The following LONP2 variants were observed in gnomAD, a reference collection of about 807,000 sequenced individuals.
LONP2 encodes lon protease homolog 2, peroxisomal.
Under a neutral mutation model 85.6 loss-of-function variants are expected in LONP2, and 60 were observed. The observed-to-expected ratio is 0.70, with a 90% CI of 0.57 to 0.87. The LOEUF (loss-of-function observed/expected upper bound fraction) is 0.87. Ranked by LOEUF, LONP2 falls within the 40% of genes least tolerant of loss-of-function variation. The probability of loss-of-function intolerance (pLI) is 0.00; values close to 1 mark genes in which losing one functional copy is unlikely to be tolerated. For missense variants in LONP2, 860 were observed against 1,063.5 expected (o/e 0.81, Z 2.66); for synonymous variants, 395 against 389.7 (o/e 1.01, Z -0.16).
chr16:48,244,778 G>A (rs974995008), intron 1 of LONP2, among the ~76,000 whole-genome samples, 157 bp downstream of exon 1: 1 of 152,214 alleles, frequency 6.6e-6, no homozygotes, highest in African/African-American at 2.4e-5. Flanking sequence ...AAATGGGGAT[G>A]TCAGATACCT....
chr16:48,331,136 A>G (rs763084431), intron 11 of LONP2, among the ~76,000 whole-genome samples: 5 of 152,120 alleles, frequency 3.3e-5, no homozygotes, highest in Non-Finnish European at 7.3e-5. Context: ...TTTGAGTACC[A>G]CTACCTTCCA....
intron 8 of LONP2, among the ~76,000 whole-genome samples, chr16:48,284,135 T>C (rs1482386142): frequency 1.3e-5 from 2 of 152,052 alleles, no homozygotes; most frequent in Non-Finnish European, 2.9e-5. Context: ...AGATGAGGAG[T>C]TGCTTCTTAC....
intron 8 of LONP2, 135 bp from the exon 9 acceptor site, chr16:48,295,880 G>A: frequency 2.7e-6 from 2 of 745,742 alleles, no homozygotes; most frequent in Non-Finnish European, 4.5e-6. Context: ...ATGCTCAGAT[G>A]TTAGTTTTGT....
intron 3 of LONP2, among the ~76,000 whole-genome samples, chr16:48,256,989 A>G (rs1403696094): frequency 6.6e-6 from 1 of 152,218 alleles, no homozygotes; most frequent in Non-Finnish European, 1.5e-5. Context: ...ATGGTAGTCA[A>G]TTTACAGAAA....
intron 7 of LONP2, among the ~76,000 whole-genome samples, chr16:48,273,444 A>G (rs1348659883): frequency 6.6e-6 from 1 of 152,212 alleles, no homozygotes; most frequent in Non-Finnish European, 1.5e-5. Context: ...GATCTGACTA[A>G]ACATTGCCTC....
At chr16:48,297,089 C>G (rs1410971131) in intron 9 of LONP2, among the ~76,000 whole-genome samples, 1 of 152,022 alleles carries the variant, frequency 6.6e-6, no homozygotes, top group African/African-American at 2.4e-5. Flanking sequence ...CTCACTGCAG[C>G]CTCCGCCTCC....
At chr16:48,283,408 T>G (rs917530780) in intron 8 of LONP2, among the ~76,000 whole-genome samples, 1 of 152,180 alleles carries the variant, frequency 6.6e-6, no homozygotes, top group Non-Finnish European at 1.5e-5. Flanking sequence ...CTTCAAAGCT[T>G]CAAAGGGCAG....
Position 48,353,912 on chromosome 16 carries a change from CCATT to C in LONP2, c.*2111_*2114del, listed in dbSNP as rs1441519395. 1 of 152,034 alleles carries C rather than the reference CCATT, an allele frequency of 6.6e-6. No homozygotes were observed. Among genetic ancestry groups the C allele is most frequent in the African/African-American group, 2.4e-5 (1 of 41,478 alleles). The allele number at this position is 152,034 out of a possible 1,614,324, so 9.4% of individuals were successfully genotyped here. On this transcript the variant is annotated 3_prime_UTR_variant, in exon 15 of 15. Coordinates refer to ENST00000285737, the MANE Select transcript of LONP2 (RefSeq NM_031490.5). ...TTTAAGCATATCTTTCGAAAGGCAT[CCATT>C]GAGAGAATAATGCATTCTCCCCTTG...
chr16:48,244,337 C>G lies in LONP2; in HGVS notation c.-52C>G. ...TGGTGACTGCGGGGCAGGCCGGGGG[C>G]AGCTGTCTGTCTGGCTCTTTTTGAC... On this transcript the variant is annotated 5_prime_UTR_variant, in exon 1 of 15. Coordinates refer to ENST00000285737, the MANE Select transcript of LONP2 (RefSeq NM_031490.5). 2.2e-6 allele frequency: 3 copies of G among 1,338,370 alleles called. No individual in the cohort carries two copies. Among genetic ancestry groups the G allele is most frequent in the Non-Finnish European group, 3.0e-6 (3 of 1,003,608 alleles). The allele number at this position is 1,338,370 out of a possible 1,614,324, so 82.9% of individuals were successfully genotyped here.
At chr16:48,360,611 A>G (rs1960545453), downstream of LONP2, 1 of 152,650 alleles carries the variant, frequency 6.6e-6, no homozygotes, top group Non-Finnish European at 1.5e-5. Flanking sequence ...TTTTTAAACA[A>G]ATGATTTGCT....
intron 9 of LONP2, among the ~76,000 whole-genome samples, chr16:48,297,235 T>C (rs954809642): frequency 2.4e-4 from 37 of 152,308 alleles, no homozygotes; most frequent in African/African-American, 8.2e-4. Flanking sequence ...TGGCCTCAAG[T>C]GATCTGCCTG....
At chr16:48,342,343 T>C (rs1009919407) in intron 12 of LONP2, among the ~76,000 whole-genome samples, 1 of 152,220 alleles carries the variant, frequency 6.6e-6, no homozygotes, top group African/African-American at 2.4e-5. Flanking sequence ...TGCTTGCCTT[T>C]CAAGCAAACA....
chr16:48,270,011 G>A lies in LONP2; in HGVS notation c.983-5G>A. 6.2e-7 allele frequency: 1 copy of A among 1,609,392 alleles called. No individual in the cohort carries two copies. The highest frequency in any genetic ancestry group is 1.1e-5 in the South Asian group (1 of 90,416). On this transcript the variant is annotated splice_region_variant and splice_polypyrimidine_tract_variant and intron_variant, in intron 6 of 14. Transcript: ENST00000285737. Reference sequence around the variant, plus strand: ...TCTAATTATTTCTGTTGGGTTATTTGACAGACCGCCTGGACATTAGGGCAG... The same window carrying A: ...TCTAATTATTTCTGTTGGGTTATTTAACAGACCGCCTGGACATTAGGGCAG...
chr16:48,266,224 C>T (rs1403074993), intron 6 of LONP2, among the ~76,000 whole-genome samples: 2 of 151,818 alleles, frequency 1.3e-5, no homozygotes, highest in African/African-American at 4.8e-5. Context: ...AGGCTAGTCT[C>T]GAACTCTTGA....
rs139247270 is a variant in LONP2, at chr16:48,253,327, G to A, written c.468+962G>A. 1.8e-3 allele frequency among the ~76,000 whole-genome samples: 280 copies of A among 151,920 alleles called. 1 individual carries two copies. Among genetic ancestry groups the A allele is most frequent in the African/African-American group, 6.4e-3 (264 of 41,424 alleles). On this transcript the variant is annotated intron_variant, in intron 2 of 14. Transcript: ENST00000285737. ...TCTACAAAATGTACAAAAATTAGCC[G>A]AGTGTGATGGTGCGTGCCTGTAGTC...
chr16:48,265,147 T>A (rs533541439), intron 6 of LONP2, among the ~76,000 whole-genome samples: 1 of 152,340 alleles, frequency 6.6e-6, no homozygotes, highest in Non-Finnish European at 1.5e-5. Flanking sequence ...TTGCACATAT[T>A]TTCTGCTGTT....
At chr16:48,347,886 C>G (rs573190775) in intron 13 of LONP2, among the ~76,000 whole-genome samples, 172 bp downstream of exon 13, 1 of 152,322 alleles carries the variant, frequency 6.6e-6, no homozygotes, top group East Asian at 1.9e-4. Flanking sequence ...AGTGCCTGAA[C>G]TAGAAACTAA....
chr16:48,320,837 G>C (rs1973248127), intron 11 of LONP2, among the ~76,000 whole-genome samples: 1 of 152,114 alleles, frequency 6.6e-6, no homozygotes, highest in Non-Finnish European at 1.5e-5. Flanking sequence ...ACTATAATAG[G>C]AGCCAAACAT....
At chr16:48,296,220 A>G in intron 9 of LONP2, 55 bp downstream of exon 9, 1 of 1,561,492 alleles carries the variant, frequency 6.4e-7, no homozygotes, top group African/African-American at 1.4e-5. Context: ...CATAACTTTA[A>G]AATTAGTTAT....
Sources: allele counts gnomAD v4.1 joint callset (sites outside exome capture counted in the v4.1 genomes callset), GRCh38; gene constraint gnomAD v4.1.1; transcripts MANE v1.5; gene names NCBI Gene and HGNC (gene_info 2026-07-23, HGNC 2026-07-21).